Variants in GALNT13 observed in about 807,000 individuals in gnomAD.
GALNT13 encodes the protein polypeptide N-acetylgalactosaminyltransferase 13, also known as UDP-GalNAc:polypeptide N-acetylgalactosaminyltransferase 13.
In GALNT13, 28 loss-of-function variants were observed where a neutral mutation model predicts 64.2. That is an observed-to-expected ratio of 0.44 (90% CI 0.32 to 0.60). GALNT13 has a LOEUF of 0.60. Among genes scored for constraint, GALNT13 ranks in the 20% least tolerant of loss-of-function variants. The pLI, the probability that GALNT13 is intolerant of heterozygous loss-of-function variation, is 0.05. For missense variants in GALNT13, 577 were observed against 669.8 expected, an observed-to-expected ratio of 0.86 and a Z score of 1.53; for synonymous variants, 214 against 224.6, an observed-to-expected ratio of 0.95 and a Z score of 0.42.
intron 3 of GALNT13, among the ~76,000 whole-genome samples, chr2:153,980,991 T>A (rs1694422971): frequency 6.6e-6 from 1 of 152,146 alleles, no homozygotes; most frequent in Admixed American, 6.6e-5. Flanking sequence ...TTTATTCATT[T>A]AAAAAATTTT....
the GALNT13 span, among the ~76,000 whole-genome samples, chr2:153,179,059 G>A: frequency 3.3e-5 from 5 of 151,918 alleles, no homozygotes; most frequent in Non-Finnish European, 7.4e-5. Context: ...CCATTTTTCT[G>A]TTTTTGCTTT....
At chr2:153,731,719 T>C in the GALNT13 span, among the ~76,000 whole-genome samples, 5 of 151,906 alleles carry the variant, frequency 3.3e-5, no homozygotes, top group Non-Finnish European at 5.9e-5. Flanking sequence ...AAGCGAAAAA[T>C]TGGCATAGGA....
the GALNT13 span, among the ~76,000 whole-genome samples, chr2:153,688,270 C>A: frequency 6.6e-6 from 1 of 151,878 alleles, no homozygotes. Context: ...ACTACTTGGT[C>A]TTTTACAGAA....
At chr2:153,160,440 CA>C in the GALNT13 span, among the ~76,000 whole-genome samples, 2 of 152,254 alleles carry the variant, frequency 1.3e-5, no homozygotes, top group East Asian at 1.9e-4. Context: ...GCTCAACAAA[CA>C]TTTTTTTTTC....
At chr2:153,374,707 G>A in the GALNT13 span, among the ~76,000 whole-genome samples, 1 of 152,170 alleles carries the variant, frequency 6.6e-6, no homozygotes, top group South Asian at 2.1e-4. Flanking sequence ...GAGATTAAAG[G>A]AGGGAAGGAG....
chr2:153,851,702 A>G, the GALNT13 span, among the ~76,000 whole-genome samples: 3 of 146,096 alleles, frequency 2.1e-5, no homozygotes, highest in Non-Finnish European at 3.1e-5. Context: ...GTCTCAAAGA[A>G]AGAAGAACAA....
the GALNT13 span, among the ~76,000 whole-genome samples, chr2:153,217,807 C>T: frequency 1.3e-5 from 2 of 152,094 alleles, no homozygotes; most frequent in African/African-American, 4.8e-5. Context: ...ATACCTAAGT[C>T]TGATCCTGTT....
chr2:153,917,128 AT>A (rs398104869), intron 2 of GALNT13, among the ~76,000 whole-genome samples: 8,310 of 148,882 alleles, frequency 0.056, 327 homozygotes, highest in South Asian at 0.11. Context: ...AATTCTGTGC[AT>A]TTTTTTTTTG....
Position 154,283,092 on chromosome 2 carries a change from C to CA in GALNT13, c.976-18316dup, listed in dbSNP as rs538814791. On this transcript the variant is annotated intron_variant, in intron 8 of 12. Transcript: ENST00000392825. ...TTGTGCATGCCAGTTTATCAAGGAT[C>CA]ATAGTGCCTTCAGCATCTCAATGAA... Among the ~76,000 whole-genome samples the CA allele has an allele frequency of 2.8e-4, 43 of 152,268 alleles. No homozygotes were observed. In the South Asian group the frequency reaches 3.1e-3, roughly 11 times the overall value.
At chr2:153,893,479 A>C (rs1310284509) in intron 1 of GALNT13, among the ~76,000 whole-genome samples, 1 of 152,088 alleles carries the variant, frequency 6.6e-6, no homozygotes, top group Non-Finnish European at 1.5e-5. Flanking sequence ...TATGAAAATT[A>C]CTTACATTTT....
At chr2:153,452,355 C>T in the GALNT13 span, among the ~76,000 whole-genome samples, 9 of 151,986 alleles carry the variant, frequency 5.9e-5, no homozygotes, top group African/African-American at 2.2e-4. Flanking sequence ...GTGGAGGGTG[C>T]CTGTAGTCCC....
rs376969478 is a variant in GALNT13 at position 154,240,628 on chromosome 2, C to A, written c.312-1402C>A. ...GACGGACGGGCAGGTTGTGGGGCTCCGACCCCACAGCAGTGTTTAGGGCCC... is the reference window on the plus strand; with the variant it reads ...GACGGACGGGCAGGTTGTGGGGCTCAGACCCCACAGCAGTGTTTAGGGCCC... On this transcript the variant is annotated intron_variant, in intron 4 of 12. Coordinates refer to ENST00000392825, the MANE Select transcript of GALNT13 (RefSeq NM_052917.4). Among the ~76,000 whole-genome samples, 3 of 152,082 alleles carry A rather than the reference C, an allele frequency of 2.0e-5. No homozygotes were observed. In the South Asian group the frequency reaches 6.2e-4, roughly 32 times the overall value.
the GALNT13 span, among the ~76,000 whole-genome samples, chr2:153,127,505 T>C: frequency 6.6e-6 from 1 of 151,706 alleles, no homozygotes; most frequent in East Asian, 1.9e-4. Context: ...CAAACATTCA[T>C]GGACATCTTG....
chr2:153,150,914 C>A, the GALNT13 span, among the ~76,000 whole-genome samples: 1 of 152,070 alleles, frequency 6.6e-6, no homozygotes, highest in African/African-American at 2.4e-5. Flanking sequence ...CATGATGCCT[C>A]CAGCTTTGTT....
At chr2:154,341,493 T>C (rs949967031) in intron 9 of GALNT13, among the ~76,000 whole-genome samples, 3 of 152,052 alleles carry the variant, frequency 2.0e-5, no homozygotes, top group Non-Finnish European at 4.4e-5. Flanking sequence ...CAAAAGACTT[T>C]GTTACAAAAA....
chr2:153,195,381 C>A, the GALNT13 span, among the ~76,000 whole-genome samples: 1 of 152,122 alleles, frequency 6.6e-6, no homozygotes, highest in Non-Finnish European at 1.5e-5. Flanking sequence ...ATTGAGCAGC[C>A]AGGGGTGTGT....
chr2:153,530,130 T>A, the GALNT13 span, among the ~76,000 whole-genome samples: 1 of 152,126 alleles, frequency 6.6e-6, no homozygotes, highest in East Asian at 1.9e-4. Flanking sequence ...GCAGATATGA[T>A]ATTATATTTG....
the GALNT13 span, among the ~76,000 whole-genome samples, chr2:153,154,974 A>G: frequency 2.6e-5 from 4 of 152,184 alleles, no homozygotes; most frequent in African/African-American, 9.7e-5. Flanking sequence ...TTCTGCATCT[A>G]TTGAGAAAAT....
Position 154,038,737 on chromosome 2 carries a change from G to A in GALNT13, c.142+94098G>A, listed in dbSNP as rs550733908. On this transcript the variant is annotated intron_variant, in intron 3 of 12. Transcript: ENST00000392825. ...TTATGGGTAGGACTATGAAAGCATA[G>A]GCATCAAAACAAAAATCAGCAAAAG... Among the ~76,000 whole-genome samples the A allele has an allele frequency of 6.6e-5, 10 of 152,080 alleles. No individual in the cohort carries two copies. In the East Asian group the frequency reaches 1.9e-3, roughly 29 times the overall value.
Sources: gnomAD v4.1 joint callset for allele counts (sites outside exome capture counted in the v4.1 genomes callset) on GRCh38, gnomAD v4.1.1 for gene constraint, MANE v1.5 for transcripts, NCBI Gene and HGNC (gene_info 2026-07-23, HGNC 2026-07-21) for gene names.